The following PCDHA2 variants were observed in gnomAD, a reference collection of about 807,000 sequenced individuals.
PCDHA2 encodes protocadherin alpha 2.
PCDHA2 carries 58 observed loss-of-function variants against 66.0 expected under a neutral mutation model. The observed-to-expected ratio is 0.88, with a 90% CI of 0.71 to 1.09. The LOEUF (loss-of-function observed/expected upper bound fraction) is 1.09. PCDHA2 is among the 50% of genes least tolerant of loss of function. PCDHA2 has a pLI of 0.00. For synonymous variants in PCDHA2, 634 were observed against 554.0 expected, an observed-to-expected ratio of 1.14 and a Z score of -2.03; for missense variants, 1,267 against 1,242.3, an observed-to-expected ratio of 1.02 and a Z score of -0.30.
rs2150375246 is a variant in PCDHA2, at chr5:140,844,933, C to T, written c.2388+47581C>T. Among the ~76,000 whole-genome samples the T allele has an allele frequency of 2.7e-5, 4 of 149,222 alleles. 1 individual carries two copies. Among genetic ancestry groups the T allele is most frequent in the Admixed American group, 6.7e-5 (1 of 14,882 alleles). ...GTAGAAATTGATGGAAGGGAATGAA[C>T]GATTTCTGGGACTCTGAATTCTTAC... On this transcript the variant is annotated intron_variant, in intron 1 of 3. Transcript: ENST00000526136.
intron 1 of PCDHA2, chr5:140,822,937 C>T: frequency 6.2e-7 from 1 of 1,614,274 alleles, no homozygotes. Flanking sequence ...GACCTGCTCC[C>T]TAATGCCCCA....
intron 1 of PCDHA2, chr5:140,803,410 C>A: frequency 1.9e-6 from 3 of 1,614,236 alleles, no homozygotes; most frequent in South Asian, 1.1e-5. Flanking sequence ...GGCAAGCCCA[C>A]GCTGGTGTGC....
At chr5:140,967,473 C>G in intron 1 of PCDHA2, 1 of 1,613,362 alleles carries the variant, frequency 6.2e-7, no homozygotes, top group Admixed American at 1.7e-5. Context: ...GGCATCCCAG[C>G]CCGCTCGGGT....
rs1489456152 is a variant in PCDHA2 at position 140,857,912 on chromosome 5, C to T, written c.2388+60560C>T. On this transcript the variant is annotated intron_variant, in intron 1 of 3. Transcript: ENST00000526136. ...GGCGGTTGGTGCACGCATCCCGTTT[C>T]GCGTGGGGCTGTACACGGGCGAGAT... is the stretch of plus-strand genomic sequence containing the variant. 3.1e-6 allele frequency: 5 copies of T among 1,597,650 alleles called. 1 individual carries two copies. In the Admixed American group the frequency reaches 6.7e-5, roughly 22 times the overall value.
At chr5:140,841,264 T>C (rs1777117018) in intron 1 of PCDHA2, 1 of 1,522,190 alleles carries the variant, frequency 6.6e-7, no homozygotes, top group Admixed American at 2.2e-5. Context: ...ACTCTGAAAG[T>C]ACAGTCGTTC....
rs145391750 is a variant in PCDHA2, at chr5:140,989,649, A to G, written c.2536+7086A>G. On this transcript the variant is annotated intron_variant, in intron 3 of 3. Coordinates refer to ENST00000526136, the MANE Select transcript of PCDHA2 (RefSeq NM_018905.3). ...GTGACAGCAAGGGTCTTTCATGGCA[A>G]TATTTTAAAAGAAACTCTGCCCAGA... 1.8e-3 allele frequency among the ~76,000 whole-genome samples: 268 copies of G among 152,316 alleles called. 1 individual carries two copies. The highest frequency in any genetic ancestry group is 6.3e-3 in the African/African-American group (263 of 41,564).
rs116072877 is a variant in PCDHA2 at position 140,927,686 on chromosome 5, A to G, written c.2389-51263A>G. On this transcript the variant is annotated intron_variant, in intron 1 of 3. Transcript: ENST00000526136. ...GCCTTGGATCCAGATGAAGGGTCCA[A>G]TGGGGAAGTCCAGTACTCCCTAAGC... 796 of 1,614,196 alleles carry G rather than the reference A, an allele frequency of 4.9e-4. 3 individuals carry two copies. The African/African-American group carries it at 7.7e-3, about 16-fold the overall frequency.
At chr5:141,007,522 C>T (rs1475001472) in intron 3 of PCDHA2, among the ~76,000 whole-genome samples, 1 of 151,940 alleles carries the variant, frequency 6.6e-6, no homozygotes, top group Non-Finnish European at 1.5e-5. Context: ...GAGCTGATAT[C>T]TCGCCACTGC....
intron 1 of PCDHA2, among the ~76,000 whole-genome samples, chr5:140,937,096 G>A (rs1173485186): frequency 6.8e-6 from 1 of 146,810 alleles, no homozygotes; most frequent in Non-Finnish European, 1.5e-5. Context: ...GGAGTGCAGT[G>A]GCGCAGTCTC....
At chr5:140,850,301 C>G in intron 1 of PCDHA2, 3 of 1,596,740 alleles carry the variant, frequency 1.9e-6, no homozygotes, top group Non-Finnish European at 2.6e-6. Context: ...CCGACTCGGG[C>G]TACAACGCGT....
chr5:140,863,120 C>T, intron 1 of PCDHA2: 4 of 591,460 alleles, frequency 6.8e-6, no homozygotes, highest in Non-Finnish European at 1.0e-5. Context: ...GCGAAAGCTA[C>T]GCGCCACCGC....
In PCDHA2 at chr5:140,843,148, T is replaced by G. The variant is rs2150353872; in HGVS notation, c.2388+45796T>G. On this transcript the variant is annotated intron_variant, in intron 1 of 3. Transcript: ENST00000526136. ...CGGGCTACAACGCGTGGCTTTCGTA[T>G]GAGCTGCAGCCAGCTGCAAGCAGCC... is the stretch of plus-strand genomic sequence containing the variant. The G allele has an allele frequency of 1.9e-5, 30 of 1,595,940 alleles. 4 individuals are homozygous for G. The highest frequency in any genetic ancestry group is 2.5e-5 in the Non-Finnish European group (29 of 1,165,574).
chr5:140,846,894 A>G (rs2150395518), intron 1 of PCDHA2, among the ~76,000 whole-genome samples: 1 of 149,832 alleles, frequency 6.7e-6, no homozygotes, highest in South Asian at 2.1e-4. Flanking sequence ...AATGACGTTG[A>G]AGTTGAAAGA....
chr5:140,873,153 C>T (rs2054129567), intron 1 of PCDHA2, among the ~76,000 whole-genome samples: 1 of 152,224 alleles, frequency 6.6e-6, no homozygotes, highest in East Asian at 1.9e-4. Flanking sequence ...TATTCATAGA[C>T]TTTAGATCGA....
At chr5:140,801,525 G>A (rs782003148) in intron 1 of PCDHA2, 4 of 1,614,230 alleles carry the variant, frequency 2.5e-6, no homozygotes, top group East Asian at 4.5e-5. Flanking sequence ...GGAGGTGATC[G>A]TGGACAGGCC....
At chr5:140,966,730 C>T in intron 1 of PCDHA2, 1 of 1,405,456 alleles carries the variant, frequency 7.1e-7, no homozygotes, top group Non-Finnish European at 9.2e-7. Context: ...CTGCCGCCTC[C>T]GGCCCTGCCC....
At chr5:140,846,129 T>C (rs1780211983) in intron 1 of PCDHA2, among the ~76,000 whole-genome samples, 1 of 149,730 alleles carries the variant, frequency 6.7e-6, no homozygotes, top group South Asian at 2.1e-4. Context: ...GATAGTTGTA[T>C]GTTTCCCATA....
intron 1 of PCDHA2, among the ~76,000 whole-genome samples, chr5:140,937,290 G>C (rs890693007): frequency 3.3e-5 from 5 of 152,076 alleles, no homozygotes; most frequent in Non-Finnish European, 7.4e-5. Flanking sequence ...ACCCGCTTCG[G>C]CCTCCCAAAG....
chr5:140,835,538 T>A, intron 1 of PCDHA2: 1 of 1,613,946 alleles, frequency 6.2e-7, no homozygotes, highest in African/African-American at 1.3e-5. Context: ...ACGGACAGGT[T>A]ACCTGCTCCC....
Sources: gnomAD v4.1 joint callset for allele counts (sites outside exome capture counted in the v4.1 genomes callset) on GRCh38, gnomAD v4.1.1 for gene constraint, MANE v1.5 for transcripts, NCBI Gene and HGNC (gene_info 2026-07-23, HGNC 2026-07-21) for gene names.